The following APOO variants were observed in gnomAD, a reference collection of about 807,000 sequenced individuals.
APOO encodes MICOS complex subunit MIC26.
A neutral mutation model predicts 23.1 loss-of-function variants in APOO; 11 were observed. That is an observed-to-expected ratio of 0.48 (90% CI 0.30 to 0.79). APOO has a LOEUF of 0.79. APOO is among the 30% of genes least tolerant of loss of function. The probability of loss-of-function intolerance (pLI) is 0.07; values close to 1 mark genes in which losing one functional copy is unlikely to be tolerated. For synonymous variants in APOO, 59 were observed against 54.8 expected (o/e 1.08, Z -0.34); for missense variants, 160 against 142.7 (o/e 1.12, Z -0.62).
At chrX:23,870,726 G>A (rs1925571302) in intron 4 of APOO, among the ~76,000 whole-genome samples, 1 of 109,752 alleles carries the variant, frequency 9.1e-6, no homozygotes, top group South Asian at 3.9e-4. Flanking sequence ...AGGAAGTCAA[G>A]ACTGCAATGA....
chrX:23,889,903 C>T (rs761804384), intron 1 of APOO, among the ~76,000 whole-genome samples: 20 of 109,889 alleles, frequency 1.8e-4, no homozygotes, highest in South Asian at 1.6e-3. Flanking sequence ...CCTCGTGATC[C>T]GCCCACCTCG....
intron 6 of APOO, among the ~76,000 whole-genome samples, chrX:23,857,543 A>G (rs1449108915): frequency 9.0e-6 from 1 of 111,600 alleles, no homozygotes; most frequent in African/African-American, 3.2e-5. Context: ...CAAGCTCCCC[A>G]AGCTGGGGCC....
Position 23,840,304 on chromosome X carries a change from G to GT in APOO, c.*29+8dup, listed in dbSNP as rs748945299. The stretch of plus-strand genomic sequence containing the variant: ...CTGAAAATAATCACAGAAATTTCTT[G>GT]TTTTTTACCTGATTAAGATGGCAGA... On this transcript the variant is annotated intron_variant, in intron 8 of 8. Coordinates refer to ENST00000379226, the MANE Select transcript of APOO (RefSeq NM_024122.5). The GT allele has an allele frequency of 7.0e-6, 8 of 1,138,990 alleles. No homozygotes were observed. The African/African-American group carries it at 7.4e-5, about 11-fold the overall frequency. 93.9% of individuals were successfully genotyped at this position (1,138,990 alleles called of 1,213,427 possible).
At chrX:23,851,955 G>A (rs765880404) in intron 7 of APOO, among the ~76,000 whole-genome samples, 53 of 111,667 alleles carry the variant, frequency 4.7e-4, no homozygotes, top group Non-Finnish European at 1.5e-4. Context: ...ACCGAGTCTC[G>A]CTCTTTCGCC....
In APOO at chrX:23,878,920, A is replaced by G. The variant is rs752608145; in HGVS notation, c.232T>C (p.Cys78Arg). Reference sequence around the variant, plus strand: ...CATTTTCAGAACAGTTGTACCTGACACCAGGTTGTGTATGGCTCGCAATAG... The same window carrying G: ...CATTTTCAGAACAGTTGTACCTGACGCCAGGTTGTGTATGGCTCGCAATAG... ...RHYCEPYTTW[C>R]QETYSQTKPK... is the part of the protein sequence containing the mutation. Residue 78 changes from cysteine to arginine, a missense_variant, in exon 3 of 9, where the codon TGT becomes CGT. Physicochemically the swap from Cys to Arg is radical, Grantham distance 180 (BLOSUM62 -3). Coordinates refer to ENST00000379226, the MANE Select transcript of APOO (RefSeq NM_024122.5). 2 of 1,210,227 alleles carry G rather than the reference A, an allele frequency of 1.7e-6. No homozygotes were observed. The highest frequency in any genetic ancestry group is 2.2e-6 in the Non-Finnish European group (2 of 894,489).
chrX:23,850,056 C>T (rs1430607809), intron 7 of APOO, among the ~76,000 whole-genome samples: 6 of 111,784 alleles, frequency 5.4e-5, no homozygotes, highest in Admixed American at 9.6e-5. Flanking sequence ...TGAATGTCCA[C>T]GTTCTTTGGA....
At chrX:23,835,707 A>G (rs1402361691) in intron 8 of APOO, among the ~76,000 whole-genome samples, 1 of 99,401 alleles carries the variant, frequency 1.0e-5, no homozygotes, top group Non-Finnish European at 2.0e-5. Flanking sequence ...GCATAGATTA[A>G]TATAGTACTG....
rs202223071 is a variant in APOO at position 23,892,935 on chromosome X, C to CAA, written c.10-11985_10-11984dup. 1.8e-4 allele frequency among the ~76,000 whole-genome samples: 14 copies of CAA among 77,538 alleles called. No individual in the cohort carries two copies. In the East Asian group the frequency reaches 2.1e-3, roughly 12 times the overall value. The allele number at this position is 77,538 out of a possible 115,157, so 67.3% of individuals were successfully genotyped here. On this transcript the variant is annotated intron_variant, in intron 1 of 8. Coordinates refer to ENST00000379226, the MANE Select transcript of APOO (RefSeq NM_024122.5). ...GTAAAAATCTGAAATGGGTTTTTTA[C>CAA]AAAAAAAAAAAACAAACTATGAACA...
chrX:23,885,388 A>ATT (rs1413038180), intron 1 of APOO, among the ~76,000 whole-genome samples: 15 of 105,298 alleles, frequency 1.4e-4, no homozygotes, highest in Admixed American at 1.3e-3. Flanking sequence ...AAATATATAT[A>ATT]TTATATATAT....
chrX:23,905,115 G>A (rs1418900457), intron 1 of APOO, among the ~76,000 whole-genome samples: 2 of 109,949 alleles, frequency 1.8e-5, no homozygotes, highest in South Asian at 4.0e-4. Context: ...TCAGTCGGGC[G>A]CGGTGGGTCA....
chrX:23,851,210 T>G (rs1328874974), intron 7 of APOO, among the ~76,000 whole-genome samples: 1 of 110,017 alleles, frequency 9.1e-6, no homozygotes, highest in Non-Finnish European at 1.9e-5. Context: ...TTTTTTTTTT[T>G]TGAGATGGAG....
In APOO at chrX:23,837,492, C is replaced by T. The variant is rs375598546; in HGVS notation, c.*29+2821G>A. The stretch of plus-strand genomic sequence containing the variant: ...TGGGTAACACAGCAAGATCCCATCC[C>T]CCCAGATAAATAACAGTAAAAAGAA... On this transcript the variant is annotated intron_variant, in intron 8 of 8. Coordinates refer to ENST00000379226, the MANE Select transcript of APOO (RefSeq NM_024122.5). Among the ~76,000 whole-genome samples, 8 of 109,600 alleles carry T rather than the reference C, an allele frequency of 7.3e-5. No homozygotes were observed. The South Asian group carries it at 2.7e-3, about 37-fold the overall frequency.
intron 8 of APOO, among the ~76,000 whole-genome samples, 195 bp from the exon 9 acceptor site, chrX:23,833,807 C>G (rs1442081940): frequency 9.3e-6 from 1 of 107,276 alleles, no homozygotes; most frequent in Non-Finnish European, 1.9e-5. Context: ...CATGGTGAAA[C>G]CCCGTCTCTA....
intron 1 of APOO, among the ~76,000 whole-genome samples, chrX:23,905,323 G>A (rs1927307528): frequency 9.1e-6 from 1 of 110,057 alleles, no homozygotes; most frequent in Non-Finnish European, 1.9e-5. Flanking sequence ...CCAGGAGGCG[G>A]AGGCTGCAGT....
At chrX:23,861,793 GTTC>G (rs1417463891) in intron 5 of APOO, among the ~76,000 whole-genome samples, 68 of 93,463 alleles carry the variant, frequency 7.3e-4, no homozygotes, top group Admixed American at 6.1e-4. Context: ...CAGACAGGGA[GTTC>G]TTTTTTTTTT....
intron 8 of APOO, chrX:23,837,353 T>C (rs1923741579): frequency 1.2e-6 from 1 of 856,355 alleles, no homozygotes; most frequent in Non-Finnish European, 1.7e-6. Flanking sequence ...AAAGCCTAAT[T>C]TCTTTATGTA....
chrX:23,847,391 C>T (rs1924292756), intron 7 of APOO, among the ~76,000 whole-genome samples: 1 of 110,972 alleles, frequency 9.0e-6, no homozygotes, highest in African/African-American at 3.3e-5. Context: ...CTTTGGGAGG[C>T]CGAGGCGGGC....
At chrX:23,856,452 T>A in intron 6 of APOO, 70 bp from the exon 7 acceptor site, 1 of 867,186 alleles carries the variant, frequency 1.2e-6, no homozygotes, top group African/African-American at 2.0e-5. Flanking sequence ...AATAATGGAA[T>A]ATAAATCATT....
chrX:23,880,954 T>C lies in APOO; in HGVS notation c.10-2A>G, dbSNP rs1429524456. 8.6e-7 allele frequency: 1 copy of C among 1,157,890 alleles called. No individual in the cohort carries two copies. Among genetic ancestry groups the C allele is most frequent in the Non-Finnish European group, 1.2e-6 (1 of 864,023 alleles). ...TGGCCCCACGGACCTCTGAATTACC[T>C]GAAATGCAGAAGCAATCTTAAACCT... On this transcript the variant is annotated splice_acceptor_variant, in intron 1 of 8. Coordinates refer to ENST00000379226, the MANE Select transcript of APOO (RefSeq NM_024122.5). LOFTEE classifies it high-confidence loss of function.
Sources: allele counts gnomAD v4.1 joint callset (sites outside exome capture counted in the v4.1 genomes callset), GRCh38; gene constraint gnomAD v4.1.1; transcripts MANE v1.5; gene names NCBI Gene and HGNC (gene_info 2026-07-23, HGNC 2026-07-21).